The following FGGY variants were observed in gnomAD, a reference collection of about 807,000 sequenced individuals.
FGGY encodes the protein FGGY carbohydrate kinase domain containing.
Under a neutral mutation model 71.3 loss-of-function variants are expected in FGGY, and 72 were observed. The ratio of observed to expected loss-of-function variants is 1.01; its 90% CI spans 0.84 to 1.23. The LOEUF is 1.23. FGGY is among the 50% of genes most tolerant of loss of function. The pLI is 0.00. For synonymous variants in FGGY, 251 were observed against 250.3 expected (o/e 1.00, Z -0.02); for missense variants, 668 against 682.3 (o/e 0.98, Z 0.23).
At chr1:59,379,162 AACACACAC>A (rs55986439) in intron 5 of FGGY, among the ~76,000 whole-genome samples, 2 of 143,136 alleles carry the variant, frequency 1.4e-5, no homozygotes, top group African/African-American at 5.1e-5. Context: ...GGAAAAAATA[AACACACAC>A]ACACACACAC....
intron 14 of FGGY, among the ~76,000 whole-genome samples, chr1:59,757,682 G>A (rs945872123): frequency 2.6e-5 from 4 of 152,136 alleles, no homozygotes; most frequent in Admixed American, 2.6e-4. Context: ...TGCCCCAGAG[G>A]CCTCAATACA....
chr1:59,732,799 C>T (rs1309901505), intron 14 of FGGY, among the ~76,000 whole-genome samples: 2 of 152,078 alleles, frequency 1.3e-5, no homozygotes, highest in African/African-American at 2.4e-5. Flanking sequence ...TGCTTTCCTG[C>T]TGGAACCAGA....
intron 6 of FGGY, among the ~76,000 whole-genome samples, chr1:59,474,517 C>T (rs928178616): frequency 6.6e-6 from 1 of 152,172 alleles, no homozygotes; most frequent in African/African-American, 2.4e-5. Flanking sequence ...CCTGCCACTT[C>T]TCCTGTTTGA....
chr1:59,365,259 C>A (rs2056378948), intron 4 of FGGY, among the ~76,000 whole-genome samples: 3 of 152,096 alleles, frequency 2.0e-5, no homozygotes, highest in South Asian at 4.1e-4. Context: ...AAGAAAAGAG[C>A]AGCTAAAGAA....
chr1:59,724,499 T>A (rs1262386789), intron 14 of FGGY, among the ~76,000 whole-genome samples: 3 of 150,818 alleles, frequency 2.0e-5, no homozygotes, highest in African/African-American at 7.3e-5. Context: ...AAAAAAAAAA[T>A]TCCCCTGTGT....
chr1:59,713,389 C>T (rs555722697), intron 14 of FGGY, among the ~76,000 whole-genome samples: 1 of 152,284 alleles, frequency 6.6e-6, no homozygotes, highest in East Asian at 1.9e-4. Context: ...ATCTTTTCAG[C>T]AACACCCCAC....
At chr1:59,691,260 T>G (rs1354876701) in intron 14 of FGGY, among the ~76,000 whole-genome samples, 1 of 152,192 alleles carries the variant, frequency 6.6e-6, no homozygotes, top group African/African-American at 2.4e-5. Context: ...AATTCAATAA[T>G]AAAGTAACTT....
At chr1:59,745,054 C>T (rs527277510) in intron 14 of FGGY, among the ~76,000 whole-genome samples, 29 of 152,344 alleles carry the variant, frequency 1.9e-4, no homozygotes, top group African/African-American at 6.7e-4. Context: ...ATGCTCCTGG[C>T]TTCTAGCCCT....
At chr1:59,324,370 G>A (rs952018947) in intron 2 of FGGY, among the ~76,000 whole-genome samples, 5 of 136,228 alleles carry the variant, frequency 3.7e-5, no homozygotes, top group African/African-American at 1.1e-4. Context: ...TCCGCCTCCC[G>A]GGTTCACGCC....
At chr1:59,388,121 G>A (rs1312240064) in intron 5 of FGGY, among the ~76,000 whole-genome samples, 1 of 151,916 alleles carries the variant, frequency 6.6e-6, no homozygotes, top group Admixed American at 6.6e-5. Context: ...CCGTCTGCAT[G>A]TTCAGGTATG....
intron 8 of FGGY, among the ~76,000 whole-genome samples, chr1:59,594,983 C>T (rs1235481739): frequency 6.6e-6 from 1 of 152,182 alleles, no homozygotes; most frequent in African/African-American, 2.4e-5. Flanking sequence ...ACAAGAACAG[C>T]TAAAATGTCT....
At chr1:59,425,916 C>T (rs2066283310) in intron 5 of FGGY, among the ~76,000 whole-genome samples, 1 of 152,074 alleles carries the variant, frequency 6.6e-6, no homozygotes, top group Non-Finnish European at 1.5e-5. Context: ...CACATAATTC[C>T]AAGGAATATG....
Position 59,340,016 on chromosome 1 carries a change from G to A in FGGY, c.260G>A (p.Cys87Tyr). 1.2e-6 allele frequency: 2 copies of A among 1,613,414 alleles called. No homozygotes were observed. The highest frequency in any genetic ancestry group is 2.2e-5 in the East Asian group (1 of 44,866). The change falls in exon 3 of 16, where the codon TGT becomes TAT. Residue 87 changes from cysteine to tyrosine, a missense_variant. By Grantham distance (194) the Cys-to-Tyr change is radical. Transcript: ENST00000303721. The part of the protein sequence containing the change: ...QIRGLGFDAT[C>Y]SLVVLDKQFH... ...CGAGGACTTGGGTTTGATGCCACGT[G>A]TTCTCTGGTTGTTTTGGATAAGCAG...
intron 4 of FGGY, among the ~76,000 whole-genome samples, chr1:59,370,005 C>A (rs184317920): frequency 0.028 from 4,288 of 152,176 alleles, 222 homozygotes; most frequent in African/African-American, 0.098. Context: ...AAAGCAGAGC[C>A]CCTCTCCTCC....
intron 10 of FGGY, among the ~76,000 whole-genome samples, chr1:59,629,706 CA>C (rs1477289625): frequency 6.6e-6 from 1 of 152,048 alleles, no homozygotes; most frequent in African/African-American, 2.4e-5. Context: ...ACCACTAAGC[CA>C]AAGAAAAGAG....
chr1:59,653,012 G>A (rs553028034), intron 11 of FGGY, among the ~76,000 whole-genome samples: 2,247 of 152,216 alleles, frequency 0.015, 24 homozygotes, highest in Non-Finnish European at 0.023. Flanking sequence ...ATACCCTGCC[G>A]TGTGAGGTGT....
At chr1:59,753,256 A>C in intron 14 of FGGY, among the ~76,000 whole-genome samples, 1 of 151,950 alleles carries the variant, frequency 6.6e-6, no homozygotes, top group East Asian at 1.9e-4. Flanking sequence ...TGGTAATTTC[A>C]GATTTCCTGC....
intron 6 of FGGY, among the ~76,000 whole-genome samples, chr1:59,475,485 T>C (rs955696000): frequency 6.6e-6 from 1 of 152,254 alleles, no homozygotes; most frequent in East Asian, 1.9e-4. Flanking sequence ...CTATTGTGCT[T>C]TTTTCTTCCA....
intron 14 of FGGY, among the ~76,000 whole-genome samples, chr1:59,718,860 C>T (rs571220399): frequency 1.3e-5 from 2 of 152,336 alleles, no homozygotes; most frequent in Admixed American, 1.3e-4. Context: ...AGACTCTCAG[C>T]CCCTGGCCTC....
Sources: allele counts gnomAD v4.1 joint callset (sites outside exome capture counted in the v4.1 genomes callset), GRCh38; gene constraint gnomAD v4.1.1; transcripts MANE v1.5; gene names NCBI Gene and HGNC (gene_info 2026-07-23, HGNC 2026-07-21).